GUF1: variants seen among roughly 807,000 people sequenced by gnomAD.
GUF1 encodes the protein translation factor GUF1, mitochondrial.
In GUF1, 78 loss-of-function variants were observed where a neutral mutation model predicts 82.4. The ratio of observed to expected loss-of-function variants is 0.95; its 90% CI spans 0.79 to 1.14. GUF1 has a LOEUF of 1.14. Ranked by LOEUF, GUF1 falls within the 50% of genes most tolerant of loss-of-function variation. The pLI is 0.00. For missense variants in GUF1, 814 were observed against 798.2 expected (o/e 1.02, Z -0.24); for synonymous variants, 279 against 282.3 (o/e 0.99, Z 0.12).
chr4:44,690,854 T>C lies in GUF1; in HGVS notation c.1473T>C (p.Leu491=), dbSNP rs1032235421. The C allele has an allele frequency of 6.3e-7, 1 of 1,597,580 alleles. No individual in the cohort carries two copies. Among genetic ancestry groups the C allele is most frequent in the African/African-American group, 1.3e-5 (1 of 74,414 alleles). Residue 491 remains leucine, a synonymous_variant, in exon 12 of 17, where the codon CTT becomes CTC. Coordinates refer to ENST00000281543, the MANE Select transcript of GUF1 (RefSeq NM_021927.3). ...AATACACTGGAAAAATAATGATGCT[T>C]TGCGAGGTATAACTATAATACAATT... ...PDEYTGKIMM[L]CEARRAVQKN...
Position 44,698,772 on chromosome 4 carries a change from T to C in GUF1, c.*91T>C, listed in dbSNP as rs1716021442. 1 of 1,216,044 alleles carries C rather than the reference T, an allele frequency of 8.2e-7. No individual in the cohort carries two copies. The highest frequency in any genetic ancestry group is 1.1e-6 in the Non-Finnish European group (1 of 873,526). The allele number at this position is 1,216,044 out of a possible 1,614,324, so 75.3% of individuals were successfully genotyped here. A position where few individuals can be genotyped will look rare whatever the true frequency, so the allele number is the denominator to read the frequency against. On this transcript the variant is annotated 3_prime_UTR_variant, in exon 17 of 17. Coordinates refer to ENST00000281543, the MANE Select transcript of GUF1 (RefSeq NM_021927.3). Reference sequence around the variant, plus strand: ...AAATTTGCTTGTTACTTTCAGGGTATTCAGGTTCAAATAACCTACTAGTCT... The same window carrying C: ...AAATTTGCTTGTTACTTTCAGGGTACTCAGGTTCAAATAACCTACTAGTCT...
chr4:44,694,927 C>A (rs948467851), intron 14 of GUF1, among the ~76,000 whole-genome samples: 1 of 152,008 alleles, frequency 6.6e-6, no homozygotes, highest in Non-Finnish European at 1.5e-5. Flanking sequence ...CTGCCTCAGC[C>A]TCCTGAGTAG....
At chr4:44,694,090 G>C (rs1298257980) in intron 13 of GUF1, 1 of 275,238 alleles carries the variant, frequency 3.6e-6, no homozygotes, top group East Asian at 1.3e-4. Context: ...ATATAGTATT[G>C]TCCGAAGCCT....
At chr4:44,692,682 A>G (rs1391960862) in intron 13 of GUF1, among the ~76,000 whole-genome samples, 1 of 151,994 alleles carries the variant, frequency 6.6e-6, no homozygotes, top group Non-Finnish European at 1.5e-5. Flanking sequence ...GTTAGCATAT[A>G]TAATTCTTCT....
intron 5 of GUF1, chr4:44,682,621 T>C (rs1264775864): frequency 1.3e-5 from 4 of 306,872 alleles, no homozygotes; most frequent in Non-Finnish European, 2.4e-5. Flanking sequence ...CTGAATTAAC[T>C]TGTGGTAGCT....
At chr4:44,688,168 A>C in intron 9 of GUF1, 22 bp downstream of exon 9, 1 of 1,597,804 alleles carries the variant, frequency 6.3e-7, no homozygotes, top group Admixed American at 1.7e-5. Flanking sequence ...ACAAATTCAA[A>C]GGTTGAGGGC....
At position 44,697,467 on chromosome 4, in the gene GUF1, T is replaced by G. The variant is rs6851576; in HGVS notation, c.1872+23T>G. On this transcript the variant is annotated intron_variant, in intron 16 of 16. Coordinates refer to ENST00000281543, the MANE Select transcript of GUF1 (RefSeq NM_021927.3). Reference sequence around the variant, plus strand: ...TGTGTATGTATCTAGTTGTATTTATTCTACTTTATAACTTTTATGGGCTTT... The same window carrying G: ...TGTGTATGTATCTAGTTGTATTTATGCTACTTTATAACTTTTATGGGCTTT... 771,820 of 1,317,110 alleles carry G rather than the reference T, an allele frequency of 0.59. 231,926 individuals are homozygous for G. Among genetic ancestry groups the G allele is most frequent in the Non-Finnish European group, 0.62 (580,585 of 930,936 alleles). The allele number at this position is 1,317,110 out of a possible 1,614,324, so 81.6% of individuals were successfully genotyped here.
At chr4:44,690,005 A>T (rs200000392) in intron 11 of GUF1, 30 bp downstream of exon 11, 30 of 1,509,674 alleles carry the variant, frequency 2.0e-5, no homozygotes, top group Middle Eastern at 1.8e-4. Flanking sequence ...GGTATTTAGT[A>T]CTGTTTTGCA....
chr4:44,679,592 A>G (rs1714645781), intron 1 of GUF1, among the ~76,000 whole-genome samples: 1 of 152,222 alleles, frequency 6.6e-6, no homozygotes, highest in African/African-American at 2.4e-5. Flanking sequence ...CTGAAGGGAA[A>G]GAAAATCTAC....
At position 44,687,793 on chromosome 4, in the gene GUF1, T is replaced by A. The variant is rs558879428; in HGVS notation, c.939-214T>A. Among the ~76,000 whole-genome samples the A allele has an allele frequency of 9.2e-5, 14 of 151,902 alleles. No homozygotes were observed. In the East Asian group the frequency reaches 2.1e-3, roughly 23 times the overall value. The stretch of plus-strand genomic sequence containing the variant: ...GCAGAATCATGAAAAAGGCATTAGG[T>A]TTATAAGTAGAGAGGTCTAATGGAT... On this transcript the variant is annotated intron_variant, in intron 8 of 16. Coordinates refer to ENST00000281543, the MANE Select transcript of GUF1 (RefSeq NM_021927.3).
rs766478888 is a variant in GUF1 at position 44,691,710 on chromosome 4, T to TA, written c.1525dup (p.Arg509LysfsTer5). On this transcript the variant is annotated frameshift_variant, in exon 13 of 17. Coordinates refer to ENST00000281543, the MANE Select transcript of GUF1 (RefSeq NM_021927.3). LOFTEE classifies it high-confidence loss of function. ...AGAATATGATATTTATTGATCAAAATAGAGTTATGCTTAAATATCTCTTTC... is the reference window on the plus strand; with the variant it reads ...AGAATATGATATTTATTGATCAAAATAAGAGTTATGCTTAAATATCTCTTTC... 4.4e-6 allele frequency: 7 copies of TA among 1,584,672 alleles called. No homozygotes were observed. In the South Asian group the frequency reaches 7.9e-5, roughly 18 times the overall value.
At chr4:44,690,058 G>A in intron 11 of GUF1, 83 bp downstream of exon 11, 1 of 1,034,390 alleles carries the variant, frequency 9.7e-7, no homozygotes, top group Non-Finnish European at 1.3e-6. Flanking sequence ...TACAATGCAG[G>A]AGAAGCTTTT....
rs1365293777 is a variant in GUF1, at chr4:44,700,180, C to CTTT, written c.*1499_*1500insTTT. On this transcript the variant is annotated 3_prime_UTR_variant, in exon 17 of 17. Transcript: ENST00000281543. The stretch of plus-strand genomic sequence containing the variant: ...AAGAAAAATCTCAAAACCACTAAGC[C>CTTT]AAAGGGAAGTCAAGCTGGGAACTGA... 1 of 152,036 alleles carries CTTT rather than the reference C, an allele frequency of 6.6e-6. No homozygotes were observed. Among genetic ancestry groups the CTTT allele is most frequent in the Non-Finnish European group, 1.5e-5 (1 of 67,990 alleles). 9.4% of individuals were successfully genotyped at this position (152,036 alleles called of 1,614,324 possible). A position where few individuals can be genotyped will look rare whatever the true frequency, so the allele number is the denominator to read the frequency against.
intron 8 of GUF1, 121 bp downstream of exon 8, chr4:44,686,834 G>C (rs999089904): frequency 1.5e-6 from 1 of 676,156 alleles, no homozygotes; most frequent in Non-Finnish European, 2.6e-6. Context: ...ACTATTTAAT[G>C]CAACTATACA....
chr4:44,687,943 A>C, intron 8 of GUF1, 64 bp from the exon 9 acceptor site: 1 of 1,445,178 alleles, frequency 6.9e-7, no homozygotes, highest in Non-Finnish European at 9.6e-7. Context: ...AGGTAGAACT[A>C]ATTGTGAGTT....
intron 3 of GUF1, 68 bp from the exon 4 acceptor site, chr4:44,681,055 A>G: frequency 2.2e-6 from 3 of 1,358,734 alleles, no homozygotes; most frequent in Non-Finnish European, 3.1e-6. Context: ...AAGTCAATAA[A>G]TTTGCCATAA....
chr4:44,692,883 TATAA>T (rs966219457), intron 13 of GUF1, among the ~76,000 whole-genome samples: 4 of 152,030 alleles, frequency 2.6e-5, no homozygotes, highest in African/African-American at 9.7e-5. Flanking sequence ...GTTTAATGTT[TATAA>T]ATATTTTTAA....
rs752133044 is a variant in GUF1, at chr4:44,694,201, T to C, written c.1614-211T>C. Reference sequence around the variant, plus strand: ...TATTTTCCTTTCCCCTATAAACATATTCCCCTTGCTTTTGCCCTTGATTTA... The same window carrying C: ...TATTTTCCTTTCCCCTATAAACATACTCCCCTTGCTTTTGCCCTTGATTTA... On this transcript the variant is annotated intron_variant, in intron 13 of 16. Coordinates refer to ENST00000281543, the MANE Select transcript of GUF1 (RefSeq NM_021927.3). 3.7e-5 allele frequency: 18 copies of C among 480,486 alleles called. No individual in the cohort carries two copies. In the Admixed American group the frequency reaches 5.5e-4, roughly 15 times the overall value. The allele number at this position is 480,486 out of a possible 1,614,324, so 29.8% of individuals were successfully genotyped here. A position where few individuals can be genotyped will look rare whatever the true frequency, so the allele number is the denominator to read the frequency against.
chr4:44,696,942 T>G (rs1205664564), intron 15 of GUF1, among the ~76,000 whole-genome samples: 3 of 152,202 alleles, frequency 2.0e-5, no homozygotes, highest in Non-Finnish European at 4.4e-5. Context: ...AGAAATAGAT[T>G]AGTTTATAAC....
Sources: gnomAD v4.1 joint callset for allele counts (sites outside exome capture counted in the v4.1 genomes callset) on GRCh38, gnomAD v4.1.1 for gene constraint, MANE v1.5 for transcripts, NCBI Gene and HGNC (gene_info 2026-07-23, HGNC 2026-07-21) for gene names.